AVL9: variants seen among roughly 807,000 people sequenced by gnomAD.
The protein encoded by AVL9 is late secretory pathway protein AVL9 homolog.
Under a neutral mutation model 79.2 loss-of-function variants are expected in AVL9, and 49 were observed. The observed-to-expected ratio is 0.62, with a 90% CI of 0.49 to 0.79. The LOEUF (loss-of-function observed/expected upper bound fraction) is 0.79, where lower values mean the gene tolerates loss of function less well. AVL9 is among the 30% of genes least tolerant of loss of function. The pLI is 0.00. For synonymous variants in AVL9, 299 were observed against 280.6 expected, an observed-to-expected ratio of 1.07 and a Z score of -0.65; for missense variants, 682 against 776.8, an observed-to-expected ratio of 0.88 and a Z score of 1.45.
chr7:32,586,472 C>CTA lies in AVL9; in HGVS notation c.*2565_*2566insTA, dbSNP rs1554350211. On this transcript the variant is annotated 3_prime_UTR_variant, in exon 16 of 16. Transcript: ENST00000318709. ...CCCCTGGTCCTGTGACCCCCCCCCC[C>CTA]CACACACACACATACTTCAGGCTTG... The CTA allele has an allele frequency of 7.0e-6, 1 of 142,958 alleles. No individual in the cohort carries two copies. Among genetic ancestry groups the CTA allele is most frequent in the African/African-American group, 2.6e-5 (1 of 38,728 alleles). The allele number at this position is 142,958 out of a possible 1,614,324, so 8.9% of individuals were successfully genotyped here. A position where few individuals can be genotyped will look rare whatever the true frequency, so the allele number is the denominator to read the frequency against.
intron 1 of AVL9, among the ~76,000 whole-genome samples, chr7:32,500,933 T>C (rs898923910): frequency 6.6e-6 from 1 of 152,190 alleles, no homozygotes; most frequent in African/African-American, 2.4e-5. Flanking sequence ...TGGTGTTATT[T>C]GTGAGACCTC....
Position 32,588,440 on chromosome 7 carries a change from G to C in AVL9, c.*4533G>C, listed in dbSNP as rs747314628. 6.6e-6 allele frequency: 1 copy of C among 152,178 alleles called. No homozygotes were observed. The highest frequency in any genetic ancestry group is 1.5e-5 in the Non-Finnish European group (1 of 68,022). The allele number at this position is 152,178 out of a possible 1,614,324, so 9.4% of individuals were successfully genotyped here. A position where few individuals can be genotyped will look rare whatever the true frequency, so the allele number is the denominator to read the frequency against. On this transcript the variant is annotated 3_prime_UTR_variant, in exon 16 of 16. Transcript: ENST00000318709. Reference sequence around the variant, plus strand: ...TTACAAAAACAGTTTAAATATTTATGATTAAAGGCTTTTCACAAACCTTTT... The same window carrying C: ...TTACAAAAACAGTTTAAATATTTATCATTAAAGGCTTTTCACAAACCTTTT...
intron 1 of AVL9, among the ~76,000 whole-genome samples, chr7:32,502,406 A>AAAAAAAAAAAAAG (rs201243248): frequency 3.9e-4 from 55 of 140,096 alleles, no homozygotes; most frequent in Non-Finnish European, 6.1e-4. Context: ...AAAAAAAAAA[A>AAAAAAAAAAAAAG]AAAGAAAGAA....
In AVL9 at chr7:32,584,102, G is replaced by A. The variant is rs1408056675; in HGVS notation, c.*195G>A. 2 of 630,112 alleles carry A rather than the reference G, an allele frequency of 3.2e-6. No individual in the cohort carries two copies. Among genetic ancestry groups the A allele is most frequent in the African/African-American group, 1.8e-5 (1 of 54,558 alleles). The allele number at this position is 630,112 out of a possible 1,614,324, so 39.0% of individuals were successfully genotyped here. A position where few individuals can be genotyped will look rare whatever the true frequency, so the allele number is the denominator to read the frequency against. On this transcript the variant is annotated 3_prime_UTR_variant, in exon 16 of 16. Coordinates refer to ENST00000318709, the MANE Select transcript of AVL9 (RefSeq NM_015060.3). ...CAGCCATAGCAGGGATGGCTTTCCA[G>A]GTTGGGGTTTCAATTGACTACTTTT... is the stretch of plus-strand genomic sequence containing the variant.
chr7:32,546,947 G>T (rs975394032), intron 3 of AVL9, among the ~76,000 whole-genome samples: 1 of 152,220 alleles, frequency 6.6e-6, no homozygotes, highest in African/African-American at 2.4e-5. Flanking sequence ...GCTGCATGCT[G>T]CTCAAAAGAC....
rs746708548 is a variant in AVL9, at chr7:32,517,359, G to C, written c.93+21557G>C. Among the ~76,000 whole-genome samples, 36 of 149,788 alleles carry C rather than the reference G, an allele frequency of 2.4e-4. 1 individual carries two copies. Among genetic ancestry groups the C allele is most frequent in the Non-Finnish European group, 4.4e-5 (3 of 67,740 alleles). On this transcript the variant is annotated intron_variant, in intron 1 of 15. Transcript: ENST00000318709. ...CTCACTCTGTTGCCCAGGCTAGAGC[G>C]CAGTGGCATGATCTCAGCTCACTGC...
intron 1 of AVL9, among the ~76,000 whole-genome samples, chr7:32,514,827 C>T (rs1015719839): frequency 6.6e-6 from 1 of 152,196 alleles, no homozygotes; most frequent in Non-Finnish European, 1.5e-5. Flanking sequence ...CCCTATCTCC[C>T]TTCACTGACT....
At chr7:32,537,325 T>C (rs1788956099) in intron 1 of AVL9, 1 of 152,196 alleles carries the variant, frequency 6.6e-6, no homozygotes, top group African/African-American at 2.4e-5. Flanking sequence ...ACCAAATATA[T>C]GTATTTTTAA....
intron 1 of AVL9, among the ~76,000 whole-genome samples, chr7:32,497,342 C>T (rs944024579): frequency 2.7e-5 from 4 of 150,708 alleles, no homozygotes; most frequent in South Asian, 2.1e-4. Context: ...GCAACAAGAG[C>T]GAAAAAAAAA....
intron 1 of AVL9, among the ~76,000 whole-genome samples, chr7:32,541,426 A>G (rs995647445): frequency 9.9e-5 from 15 of 152,142 alleles, no homozygotes; most frequent in African/African-American, 3.6e-4. Context: ...TAAATACTAT[A>G]TATGGGACTT....
chr7:32,564,992 T>C (rs922824409), intron 10 of AVL9, among the ~76,000 whole-genome samples: 17 of 152,244 alleles, frequency 1.1e-4, no homozygotes, highest in South Asian at 6.2e-4. Flanking sequence ...GTAGCTATTT[T>C]CTGATGTGAA....
chr7:32,573,201 A>G lies in AVL9; in HGVS notation c.1353A>G (p.Val451=). ...ACTTGTACCTGGATACCCTCTAGGT[A>G]GAAGAAGCTCTGATCCAGATCCATG... is the stretch of plus-strand genomic sequence containing the variant. ...QKHLSDAIVE[V]EEALIQIHDP... is the part of the protein sequence containing the mutation. The change falls in exon 12 of 16, where the codon GTA becomes GTG. Residue 451 remains valine (V), a splice_region_variant and synonymous_variant. Transcript: ENST00000318709. 1 of 1,613,756 alleles carries G rather than the reference A, an allele frequency of 6.2e-7. No homozygotes were observed. Among genetic ancestry groups the G allele is most frequent in the Non-Finnish European group, 8.5e-7 (1 of 1,179,806 alleles).
intron 1 of AVL9, among the ~76,000 whole-genome samples, chr7:32,528,172 C>T (rs1788486512): frequency 1.3e-5 from 2 of 152,102 alleles, no homozygotes; most frequent in Non-Finnish European, 2.9e-5. Flanking sequence ...GAAACACCAC[C>T]CACCCTGACA....
intron 1 of AVL9, among the ~76,000 whole-genome samples, chr7:32,509,337 A>G (rs2044836): frequency 6.6e-6 from 1 of 152,038 alleles, no homozygotes; most frequent in Non-Finnish European, 1.5e-5. Context: ...AAAACTCTGT[A>G]CCCTGTATCT....
At chr7:32,531,715 C>G (rs1406726527) in intron 1 of AVL9, 1 of 152,190 alleles carries the variant, frequency 6.6e-6, no homozygotes. Flanking sequence ...CTCAGATCCA[C>G]TGCATTCCAC....
At position 32,586,990 on chromosome 7, in the gene AVL9, C is replaced by A. The variant is rs953849841; in HGVS notation, c.*3083C>A. The stretch of plus-strand genomic sequence containing the variant: ...CCCAAATCCATTAGTGATTCACTAC[C>A]CCCCGCCAAGCACAGCCCTAAAACA... On this transcript the variant is annotated 3_prime_UTR_variant, in exon 16 of 16. Transcript: ENST00000318709. The A allele has an allele frequency of 6.6e-6, 1 of 152,226 alleles. No homozygotes were observed. The highest frequency in any genetic ancestry group is 2.4e-5 in the African/African-American group (1 of 41,418). The allele number at this position is 152,226 out of a possible 1,614,324, so 9.4% of individuals were successfully genotyped here. A position where few individuals can be genotyped will look rare whatever the true frequency, so the allele number is the denominator to read the frequency against.
intron 13 of AVL9, among the ~76,000 whole-genome samples, chr7:32,576,569 AGGTC>A (rs1460556560): frequency 1.3e-5 from 2 of 152,054 alleles, no homozygotes; most frequent in East Asian, 3.9e-4. Context: ...AGATCACCTG[AGGTC>A]GGGAGTTCAA....
chr7:32,561,672 T>C (rs1460729091), intron 10 of AVL9, among the ~76,000 whole-genome samples: 1 of 149,200 alleles, frequency 6.7e-6, no homozygotes, highest in Non-Finnish European at 1.5e-5. Flanking sequence ...AAAACACTTT[T>C]AGTAGCACTT....
chr7:32,530,841 G>A (rs1788615092), intron 1 of AVL9, among the ~76,000 whole-genome samples: 1 of 152,074 alleles, frequency 6.6e-6, no homozygotes, highest in East Asian at 1.9e-4. Flanking sequence ...CTGTGGTCCT[G>A]GCTACTCAGG....
Sources: gnomAD v4.1 joint callset for allele counts (sites outside exome capture counted in the v4.1 genomes callset) on GRCh38, gnomAD v4.1.1 for gene constraint, MANE v1.5 for transcripts, NCBI Gene and HGNC (gene_info 2026-07-23, HGNC 2026-07-21) for gene names.